IP6K3: variants seen among roughly 807,000 people sequenced by gnomAD.
The protein encoded by IP6K3 is ATP:1D-myo-inositol-hexakisphosphate phosphotransferase.
A neutral mutation model predicts 28.8 loss-of-function variants in IP6K3; 20 were observed. The ratio of observed to expected loss-of-function variants is 0.70; its 90% CI spans 0.49 to 1.01. The LOEUF is 1.01. Ranked by LOEUF, IP6K3 falls within the 50% of genes least tolerant of loss-of-function variation. The pLI, the probability that IP6K3 is intolerant of heterozygous loss-of-function variation, is 0.00. For synonymous variants in IP6K3, 213 were observed against 221.3 expected (o/e 0.96, Z 0.33); for missense variants, 480 against 537.1 (o/e 0.89, Z 1.05).
In IP6K3 at chr6:33,725,424, G is replaced by A. The variant is rs771027327; in HGVS notation, c.765+17C>T. The A allele has an allele frequency of 2.5e-6, 4 of 1,598,832 alleles. No individual in the cohort carries two copies. Among genetic ancestry groups the A allele is most frequent in the Non-Finnish European group, 2.6e-6 (3 of 1,175,578 alleles). ...TGCCGGGATGTCCCCCCCTGTGGTGGGTCCCCTGCGACCTACCTGCATGCC... is the reference window on the plus strand; with the variant it reads ...TGCCGGGATGTCCCCCCCTGTGGTGAGTCCCCTGCGACCTACCTGCATGCC... On this transcript the variant is annotated intron_variant, in intron 5 of 5. Transcript: ENST00000293756.
upstream of IP6K3, among the ~76,000 whole-genome samples, chr6:33,751,520 T>TGTGTGTGTGTGTGTGTGTGTGTGTGTG (rs1561914794): frequency 1.0e-5 from 1 of 98,350 alleles, no homozygotes; most frequent in Non-Finnish European, 2.4e-5. This position sits in a 1 kb window ranked among gnomAD's most constrained non-coding sequence, Gnocchi z 4.3. Flanking sequence ...GTGTGTGTGT[T>TGTGTGTGTGTGTGTGTGTGTGTGTGTG]TGGCCCCGGG....
At chr6:33,726,667 G>T in intron 4 of IP6K3, 64 bp downstream of exon 4, 1 of 1,461,986 alleles carries the variant, frequency 6.8e-7, no homozygotes. Flanking sequence ...ACCCACCTCT[G>T]CCCCTCTGTG....
intron 2 of IP6K3, among the ~76,000 whole-genome samples, chr6:33,729,103 A>G (rs1766228042): frequency 6.6e-6 from 1 of 152,210 alleles, no homozygotes; most frequent in Non-Finnish European, 1.5e-5. Context: ...CCCTTACCCT[A>G]CATACTAAGG....
chr6:33,744,563 C>G lies in IP6K3; in HGVS notation c.-180+2195G>C, dbSNP rs932347258. 2.6e-5 allele frequency among the ~76,000 whole-genome samples: 4 copies of G among 152,022 alleles called. No individual in the cohort carries two copies. The highest frequency in any genetic ancestry group is 2.0e-4 in the Admixed American group (3 of 15,260). Reference sequence around the variant, plus strand: ...GAGGGAGAATGCAGGCAAGGTTTTTCCCCACCAGAGGGCAGCAGCACACAC... The same window carrying G: ...GAGGGAGAATGCAGGCAAGGTTTTTGCCCACCAGAGGGCAGCAGCACACAC... On this transcript the variant is annotated intron_variant, in intron 1 of 5. Transcript: ENST00000293756. The surrounding 1 kb of genome is among the most constrained non-coding windows in gnomAD (Gnocchi z 4.4).
In IP6K3 at chr6:33,744,749, T is replaced by C. The variant is rs369049202; in HGVS notation, c.-180+2009A>G. Among the ~76,000 whole-genome samples, 24 of 152,348 alleles carry C rather than the reference T, an allele frequency of 1.6e-4. No homozygotes were observed. In the East Asian group the frequency reaches 1.7e-3, roughly 11 times the overall value. ...CCTCGATGGCAGCTGAAGTTCTGCC[T>C]CCACCAGGCAGATGTTTTTGAAAAG... On this transcript the variant is annotated intron_variant, in intron 1 of 5. Transcript: ENST00000293756. The surrounding 1 kb of genome is among the most constrained non-coding windows in gnomAD (Gnocchi z 4.4).
rs145330264 is a variant in IP6K3 at position 33,722,001 on chromosome 6, A to G, written c.*719T>C. 0.02 allele frequency: 3,104 copies of G among 152,320 alleles called. 50 individuals carry two copies. The highest frequency in any genetic ancestry group is 0.036 in the Non-Finnish European group (2,454 of 67,980). 9.4% of individuals were successfully genotyped at this position (152,320 alleles called of 1,614,324 possible). A position where few individuals can be genotyped will look rare whatever the true frequency, so the allele number is the denominator to read the frequency against. ...TGGTCAGAATGTGGCAGAATGGGGA[A>G]CTCCAAAGTCTGCTAAGAGATTCCT... On this transcript the variant is annotated 3_prime_UTR_variant, in exon 6 of 6. Transcript: ENST00000293756.
chr6:33,728,099 G>A lies in IP6K3; in HGVS notation c.401C>T (p.Ser134Leu). 1 of 1,604,564 alleles carries A rather than the reference G, an allele frequency of 6.2e-7. No homozygotes were observed. The highest frequency in any genetic ancestry group is 8.5e-7 in the Non-Finnish European group (1 of 1,179,862). The change falls in exon 3 of 6, where the codon TCA becomes TTA. Residue 134 changes from serine (S) to leucine (L), a missense_variant. Transcript: ENST00000293756. ...AQWPHAQLAR[S>L]PKESPAKALL... The stretch of plus-strand genomic sequence containing the variant: ...CCAGTGCCCTCACCTCTCCTTGGGT[G>A]AGCGTGCCAGCTGGGCATGCGGCCA...
intron 2 of IP6K3, among the ~76,000 whole-genome samples, chr6:33,731,413 T>C (rs2127355174): frequency 6.6e-6 from 1 of 152,332 alleles, no homozygotes; most frequent in South Asian, 2.1e-4. Flanking sequence ...CTCCAGTACT[T>C]GTCTGATCTC....
In IP6K3 at chr6:33,735,345, G is replaced by A. The variant is rs145390525; in HGVS notation, c.132C>T (p.Val44=). The A allele has an allele frequency of 6.2e-7, 1 of 1,607,928 alleles. No homozygotes were observed. Among genetic ancestry groups the A allele is most frequent in the Non-Finnish European group, 8.5e-7 (1 of 1,176,968 alleles). ...YDEHTVCKPL[V]SREQRFYESL... ...ATTCATAGAACCTCTGCTCCCGGGAGACGAGGGGCTTGCACACCGTATGCT... is the reference window on the plus strand; with the variant it reads ...ATTCATAGAACCTCTGCTCCCGGGAAACGAGGGGCTTGCACACCGTATGCT... Residue 44 remains valine, a synonymous_variant, in exon 2 of 6, where the codon GTC becomes GTT. Coordinates refer to ENST00000293756, the MANE Select transcript of IP6K3 (RefSeq NM_054111.5).
chr6:33,732,402 C>A (rs1026619806), intron 2 of IP6K3, among the ~76,000 whole-genome samples: 4 of 152,240 alleles, frequency 2.6e-5, no homozygotes, highest in African/African-American at 9.6e-5. Flanking sequence ...AAAAAGGAGA[C>A]CCTTGTGGCA....
the IP6K3 span, among the ~76,000 whole-genome samples, chr6:33,760,908 T>A: frequency 6.6e-6 from 1 of 152,084 alleles, no homozygotes; most frequent in African/African-American, 2.4e-5. Flanking sequence ...GCCTGCTCTC[T>A]CGATGGGCCT....
chr6:33,738,270 C>T (rs1254006904), intron 1 of IP6K3, among the ~76,000 whole-genome samples: 1 of 152,092 alleles, frequency 6.6e-6, no homozygotes, highest in Non-Finnish European at 1.5e-5. Flanking sequence ...CCAGGGCTGG[C>T]CCCACACTAG....
rs1043846138 is a variant in IP6K3 at position 33,725,507 on chromosome 6, G to T, written c.699C>A (p.Ala233=). 7 of 1,613,848 alleles carry T rather than the reference G, an allele frequency of 4.3e-6. No homozygotes were observed. The African/African-American group carries it at 6.7e-5, about 15-fold the overall frequency. ...TCTGCGCACACTTCCTCATGTGGCG[G>T]GCCTTCTTCTCCTCCGATGCATCAT... is the stretch of plus-strand genomic sequence containing the variant. ...HGDDASEEKK[A]RHMRKCAQST... The change falls in exon 5 of 6, where the codon GCC becomes GCA. Residue 233 remains alanine, a synonymous_variant. Transcript: ENST00000293756.
upstream of IP6K3, among the ~76,000 whole-genome samples, chr6:33,748,268 T>C (rs1766966062): frequency 6.6e-6 from 1 of 152,066 alleles, no homozygotes; most frequent in Admixed American, 6.5e-5. Context: ...GTGTAGTACT[T>C]ACTCCATTTC....
At chr6:33,734,780 C>T (rs892081909) in intron 2 of IP6K3, among the ~76,000 whole-genome samples, 1 of 152,236 alleles carries the variant, frequency 6.6e-6, no homozygotes, top group African/African-American at 2.4e-5. Flanking sequence ...AGCCCGTATC[C>T]CTGGCTTTGC....
At chr6:33,723,342 A>G (rs1156462781) in intron 5 of IP6K3, among the ~76,000 whole-genome samples, 155 bp from the exon 6 acceptor site, 1 of 152,214 alleles carries the variant, frequency 6.6e-6, no homozygotes, top group Non-Finnish European at 1.5e-5. Flanking sequence ...ATGATCTTCC[A>G]TCAAGTGCCA....
At chr6:33,741,203 G>A (rs1766707124) in intron 1 of IP6K3, among the ~76,000 whole-genome samples, 2 of 152,146 alleles carry the variant, frequency 1.3e-5, no homozygotes, top group South Asian at 4.1e-4. Context: ...TGTACATACT[G>A]GATATATAGC....
At chr6:33,752,546 T>A in the IP6K3 span, among the ~76,000 whole-genome samples, 5 of 152,350 alleles carry the variant, frequency 3.3e-5, no homozygotes, top group Admixed American at 2.6e-4. Context: ...GGAGGGGCCC[T>A]GAGAGGCCAC....
chr6:33,722,480 A>AGATC lies in IP6K3; in HGVS notation c.*239_*240insGATC. The AGATC allele has an allele frequency of 2.7e-6, 1 of 364,268 alleles. No homozygotes were observed. The highest frequency in any genetic ancestry group is 4.9e-6 in the Non-Finnish European group (1 of 202,524). The allele number at this position is 364,268 out of a possible 1,614,324, so 22.6% of individuals were successfully genotyped here. A position where few individuals can be genotyped will look rare whatever the true frequency, so the allele number is the denominator to read the frequency against. ...AGTGTACTCCAGAAGGTGCCACTTT[A>AGATC]TCCTGGCTGTCTGTTCTCCGATGAG... On this transcript the variant is annotated 3_prime_UTR_variant, in exon 6 of 6. Coordinates refer to ENST00000293756, the MANE Select transcript of IP6K3 (RefSeq NM_054111.5).
Sources: gnomAD v4.1 joint callset for allele counts (sites outside exome capture counted in the v4.1 genomes callset) on GRCh38, gnomAD v4.1.1 for gene constraint, Gnocchi (gnomAD v3.1) non-coding constraint, MANE v1.5 for transcripts, NCBI Gene and HGNC (gene_info 2026-07-23, HGNC 2026-07-21) for gene names.